Variants in SLC2A9 observed in about 807,000 individuals in gnomAD.
SLC2A9 encodes solute carrier family 2, facilitated glucose transporter member 9.
In SLC2A9, 39 loss-of-function variants were observed where a neutral mutation model predicts 50.6. The ratio of observed to expected loss-of-function variants is 0.77; its 90% CI spans 0.60 to 1.01. The LOEUF (loss-of-function observed/expected upper bound fraction) is 1.01, where lower values mean the gene tolerates loss of function less well. Ranked by LOEUF, SLC2A9 falls within the 50% of genes least tolerant of loss-of-function variation. The pLI is 0.00. For synonymous variants in SLC2A9, 324 were observed against 276.9 expected (o/e 1.17, Z -1.69); for missense variants, 686 against 677.6 (o/e 1.01, Z -0.14).
intron 5 of SLC2A9, among the ~76,000 whole-genome samples, chr4:9,948,277 T>C (rs1749569672): frequency 6.6e-6 from 1 of 152,178 alleles, no homozygotes; most frequent in Non-Finnish European, 1.5e-5. Context: ...TTGGAATCAC[T>C]TGGAGAGTTT....
upstream of SLC2A9, among the ~76,000 whole-genome samples, chr4:10,024,409 G>C (rs755308764): frequency 2.6e-5 from 4 of 152,196 alleles, no homozygotes; most frequent in East Asian, 1.9e-4. Flanking sequence ...CTGTATTCCA[G>C]TATGCCTGGT....
intron 8 of SLC2A9, among the ~76,000 whole-genome samples, chr4:9,901,194 T>A (rs992025468): frequency 6.6e-6 from 1 of 152,266 alleles, no homozygotes; most frequent in Non-Finnish European, 1.5e-5. Context: ...GCTTTGTTTC[T>A]GCTTGCTACA....
Position 9,994,268 on chromosome 4 carries a change from G to C in SLC2A9, c.410+2513C>G, listed in dbSNP as rs563218480. On this transcript the variant is annotated intron_variant, in intron 3 of 11. Transcript: ENST00000264784. ...TAATGATGCAAACATGGAGTTTTAA[G>C]AAGTAAATGATATATGGGATGTCAA... is the stretch of plus-strand genomic sequence containing the variant. Among the ~76,000 whole-genome samples the C allele has an allele frequency of 6.6e-5, 10 of 152,360 alleles. No homozygotes were observed. In the East Asian group the frequency reaches 1.9e-3, roughly 29 times the overall value.
rs148082502 is a variant in SLC2A9, at chr4:9,887,258, G to A, written c.1291+309C>T. Among the ~76,000 whole-genome samples the A allele has an allele frequency of 3.0e-3, 455 of 152,338 alleles. 6 individuals are homozygous for A. The highest frequency in any genetic ancestry group is 0.011 in the African/African-American group (445 of 41,556). ...CTTAGGCACAGACTGTGACTTGGTT[G>A]TCTTTGATTCAACACAAACCAGTGT... is the stretch of plus-strand genomic sequence containing the variant. On this transcript the variant is annotated intron_variant, in intron 10 of 11. Coordinates refer to ENST00000264784, the MANE Select transcript of SLC2A9 (RefSeq NM_020041.3).
At chr4:9,955,345 A>T (rs1285331063) in intron 5 of SLC2A9, among the ~76,000 whole-genome samples, 2 of 104,248 alleles carry the variant, frequency 1.9e-5, no homozygotes, top group Non-Finnish European at 3.8e-5. Flanking sequence ...ACAAAAAAAA[A>T]TTAGCCGGGC....
chr4:9,807,590 T>C (rs573219678), intron 3 of SLC2A9, among the ~76,000 whole-genome samples: 211 of 152,286 alleles, frequency 1.4e-3, no homozygotes, highest in South Asian at 4.1e-3. Flanking sequence ...CAGTGTGTGA[T>C]GGATACTTAC....
intron 6 of SLC2A9, among the ~76,000 whole-genome samples, chr4:9,929,307 G>T (rs1207415396): frequency 6.6e-6 from 1 of 152,218 alleles, no homozygotes; most frequent in African/African-American, 2.4e-5. Flanking sequence ...AAGTTTACCG[G>T]CTGGAGAGCA....
chr4:9,823,956 T>G (rs1213910271), downstream of SLC2A9, among the ~76,000 whole-genome samples: 4 of 152,194 alleles, frequency 2.6e-5, no homozygotes, highest in African/African-American at 4.8e-5. Flanking sequence ...GGTGTCTTAT[T>G]GTTTTATTTT....
At chr4:9,961,025 G>A (rs961212297) in intron 5 of SLC2A9, among the ~76,000 whole-genome samples, 1 of 152,210 alleles carries the variant, frequency 6.6e-6, no homozygotes, top group African/African-American at 2.4e-5. Context: ...ACTCCATGGA[G>A]TATGTATTAA....
downstream of SLC2A9, among the ~76,000 whole-genome samples, chr4:9,779,614 C>A (rs1718052844): frequency 6.6e-6 from 1 of 151,960 alleles, no homozygotes; most frequent in African/African-American, 2.4e-5. Flanking sequence ...GGGAGTTTCA[C>A]CATGTTAGCC....
At chr4:9,966,448 G>A (rs575309691) in intron 5 of SLC2A9, among the ~76,000 whole-genome samples, 10 of 152,270 alleles carry the variant, frequency 6.6e-5, no homozygotes, top group South Asian at 2.1e-4. Flanking sequence ...CTGAGGTCAG[G>A]AGTTCGAGAC....
chr4:9,773,865 T>C (rs563106701), intron 1 of SLC2A9, among the ~76,000 whole-genome samples: 231 of 152,306 alleles, frequency 1.5e-3, no homozygotes, highest in African/African-American at 5.4e-3. Flanking sequence ...AAGCAGCTCA[T>C]GGAGCCCTTC....
chr4:9,818,996 C>T (rs1396137954), intron 3 of SLC2A9, among the ~76,000 whole-genome samples: 1 of 151,774 alleles, frequency 6.6e-6, no homozygotes, highest in South Asian at 2.1e-4. Context: ...GTGGCAGGTG[C>T]CTGTAGTCCC....
intron 3 of SLC2A9, among the ~76,000 whole-genome samples, chr4:9,993,878 T>G (rs1758138634): frequency 6.6e-6 from 1 of 152,184 alleles, no homozygotes; most frequent in Non-Finnish European, 1.5e-5. Flanking sequence ...TGCCCTCCTT[T>G]GTCACCGAAA....
downstream of SLC2A9, among the ~76,000 whole-genome samples, chr4:9,775,005 A>G (rs1717361038): frequency 6.6e-6 from 1 of 152,144 alleles, no homozygotes; most frequent in South Asian, 2.1e-4. Context: ...GACCCTTGTG[A>G]GACATGCTTG....
chr4:9,836,088 C>CAAAAAAAAAAA (rs35303241), intron 10 of SLC2A9, among the ~76,000 whole-genome samples: 26 of 48,092 alleles, frequency 5.4e-4, no homozygotes, highest in Non-Finnish European at 6.7e-4. Context: ...AACTCCCTCT[C>CAAAAAAAAAAA]AAAAAAAAAA....
At position 9,969,601 on chromosome 4, in the gene SLC2A9, G is replaced by A. The variant is rs371590515; in HGVS notation, c.681+10991C>T. Among the ~76,000 whole-genome samples, 5 of 152,280 alleles carry A rather than the reference G, an allele frequency of 3.3e-5. No homozygotes were observed. The South Asian group carries it at 1.0e-3, about 32-fold the overall frequency. ...TGATGCTGCTGATAAAGACATACCTGAGACTGGGTAATTTATAAAGAAAAA... is the reference window on the plus strand; with the variant it reads ...TGATGCTGCTGATAAAGACATACCTAAGACTGGGTAATTTATAAAGAAAAA... On this transcript the variant is annotated intron_variant, in intron 5 of 11. Transcript: ENST00000264784.
intron 1 of SLC2A9, among the ~76,000 whole-genome samples, chr4:10,026,645 G>A (rs1335563240): frequency 6.6e-6 from 1 of 152,226 alleles, no homozygotes; most frequent in African/African-American, 2.4e-5. Context: ...TAAGCAAAAT[G>A]TGGTCTATCC....
intron 10 of SLC2A9, among the ~76,000 whole-genome samples, chr4:9,882,950 G>T (rs1735492674): frequency 6.6e-6 from 1 of 152,160 alleles, no homozygotes; most frequent in Non-Finnish European, 1.5e-5. Context: ...AGATGGTAAG[G>T]TTTAGCTATG....
Sources: allele counts gnomAD v4.1 joint callset (sites outside exome capture counted in the v4.1 genomes callset), GRCh38; gene constraint gnomAD v4.1.1; transcripts MANE v1.5; gene names NCBI Gene and HGNC (gene_info 2026-07-23, HGNC 2026-07-21).